Variants in NRG3 observed in about 807,000 individuals in gnomAD.
NRG3 encodes the protein neuregulin 3, also known as pro-neuregulin-3, membrane-bound isoform.
Under a neutral mutation model 66.9 loss-of-function variants are expected in NRG3, and 31 were observed. The observed-to-expected ratio is 0.46, with a 90% CI of 0.35 to 0.63. The LOEUF is 0.63. NRG3 is among the 20% of genes least tolerant of loss of function. NRG3 has a pLI of 0.00. For synonymous variants in NRG3, 393 were observed against 359.4 expected (o/e 1.09, Z -1.06); for missense variants, 910 against 878.9 (o/e 1.04, Z -0.45).
intron 2 of NRG3, among the ~76,000 whole-genome samples, chr10:82,600,358 C>T (rs1392846463): frequency 6.6e-6 from 1 of 152,080 alleles, no homozygotes; most frequent in Non-Finnish European, 1.5e-5. Context: ...AATTTCCTTA[C>T]CCTATTTCAA....
rs1554911302 is a variant in NRG3, at chr10:82,408,131, G to GAAAGAAAGAAAGAAAGAAAGAA, written c.953+49278_953+49279insGAAAGAAAAAGAAAGAAAGAAA. ...AGAAAGAAAGAAAGAAAGAAAGAAA[G>GAAAGAAAGAAAGAAAGAAAGAA]AAAGAAAGAAAGAAAAGAAAAAGAA... On this transcript the variant is annotated intron_variant, in intron 2 of 8. Coordinates refer to ENST00000372141, the MANE Select transcript of NRG3 (RefSeq NM_001010848.4). Among the ~76,000 whole-genome samples, 556 of 129,680 alleles carry GAAAGAAAGAAAGAAAGAAAGAA rather than the reference G, an allele frequency of 4.3e-3. 14 individuals carry two copies. Among genetic ancestry groups the GAAAGAAAGAAAGAAAGAAAGAA allele is most frequent in the African/African-American group, 0.014 (503 of 34,920 alleles). 85.1% of individuals were successfully genotyped at this position (129,680 alleles called of 152,430 possible).
At chr10:82,171,572 C>G (rs1341417860) in intron 1 of NRG3, among the ~76,000 whole-genome samples, 1 of 152,026 alleles carries the variant, frequency 6.6e-6, no homozygotes, top group Non-Finnish European at 1.5e-5. Flanking sequence ...AATTCAGCTG[C>G]GAGTATTACA....
chr10:82,528,553 A>C (rs1285002647), intron 2 of NRG3, among the ~76,000 whole-genome samples: 1 of 151,162 alleles, frequency 6.6e-6, no homozygotes, highest in Admixed American at 6.6e-5. Context: ...TAAATAAAAG[A>C]CTCCTGGACT....
intron 2 of NRG3, among the ~76,000 whole-genome samples, chr10:82,458,344 A>T (rs2091363239): frequency 6.6e-6 from 1 of 152,132 alleles, no homozygotes; most frequent in Non-Finnish European, 1.5e-5. Context: ...CATTATCTTT[A>T]TTATCAATGA....
At chr10:82,629,270 A>G (rs554719987) in intron 2 of NRG3, among the ~76,000 whole-genome samples, 59 of 152,364 alleles carry the variant, frequency 3.9e-4, no homozygotes, top group Non-Finnish European at 6.9e-4. Flanking sequence ...CCTGAAGTCC[A>G]TTAAGGGATT....
chr10:81,882,752 T>G (rs1842294762), intron 1 of NRG3, among the ~76,000 whole-genome samples: 1 of 152,166 alleles, frequency 6.6e-6, no homozygotes, highest in Non-Finnish European at 1.5e-5. Context: ...TGAGGGATCT[T>G]TCATCACAAT....
chr10:82,386,709 T>C (rs558020504), intron 2 of NRG3, among the ~76,000 whole-genome samples: 8 of 152,334 alleles, frequency 5.3e-5, no homozygotes, highest in African/African-American at 1.7e-4. Flanking sequence ...CCCACTAATA[T>C]GTCTTATCAA....
At chr10:82,500,828 C>A (rs930253547) in intron 2 of NRG3, among the ~76,000 whole-genome samples, 1 of 152,012 alleles carries the variant, frequency 6.6e-6, no homozygotes, top group African/African-American at 2.4e-5. Flanking sequence ...TGTGGAAAAA[C>A]ATGAGAGTGT....
intron 2 of NRG3, among the ~76,000 whole-genome samples, chr10:82,495,798 G>A (rs895870691): frequency 4.7e-5 from 6 of 127,532 alleles, no homozygotes; most frequent in African/African-American, 1.8e-4. Flanking sequence ...ATGTTCCAAT[G>A]TTTTAGAGTG....
chr10:82,856,881 A>G (rs1442703746), intron 3 of NRG3, among the ~76,000 whole-genome samples: 1 of 152,198 alleles, frequency 6.6e-6, no homozygotes. Context: ...TCTCAAGAGC[A>G]GGAACTCTAG....
intron 1 of NRG3, among the ~76,000 whole-genome samples, chr10:82,142,745 G>A (rs2069895494): frequency 7.0e-6 from 1 of 143,020 alleles, no homozygotes; most frequent in Non-Finnish European, 1.5e-5. Context: ...AGATGTGAGA[G>A]TCCTCTCTCT....
chr10:82,094,626 G>A (rs539504420), intron 1 of NRG3, among the ~76,000 whole-genome samples: 198 of 152,258 alleles, frequency 1.3e-3, no homozygotes, highest in Admixed American at 7.1e-3. Flanking sequence ...AAAATGTGAT[G>A]TGTGTATATA....
At chr10:82,466,067 G>A (rs1840650543) in intron 2 of NRG3, among the ~76,000 whole-genome samples, 1 of 152,130 alleles carries the variant, frequency 6.6e-6, no homozygotes, top group Non-Finnish European at 1.5e-5. Flanking sequence ...GCCCAGTGGT[G>A]CACTCCCTTG....
chr10:82,864,642 G>T (rs1164332329), intron 3 of NRG3, among the ~76,000 whole-genome samples: 1 of 152,150 alleles, frequency 6.6e-6, no homozygotes, highest in Non-Finnish European at 1.5e-5. Context: ...TGAATACTTG[G>T]GTCCAGCCCA....
intron 4 of NRG3, 83 bp downstream of exon 4, chr10:82,865,520 T>C: frequency 7.2e-7 from 1 of 1,389,490 alleles, no homozygotes; most frequent in Non-Finnish European, 1.0e-6. Context: ...CTCCATCTGG[T>C]TATAATTGAA....
intron 2 of NRG3, among the ~76,000 whole-genome samples, chr10:82,715,763 T>C (rs2056931900): frequency 6.6e-6 from 1 of 152,200 alleles, no homozygotes; most frequent in South Asian, 2.1e-4. Context: ...CAAAGTATCA[T>C]AGACCAGTGT....
At chr10:82,925,217 C>G (rs1846864636) in intron 4 of NRG3, among the ~76,000 whole-genome samples, 1 of 152,316 alleles carries the variant, frequency 6.6e-6, no homozygotes, top group Non-Finnish European at 1.5e-5. Context: ...CTCTCCAACA[C>G]TATTGGTTTG....
In NRG3 at chr10:81,962,288, C is replaced by G. The variant is rs551723233; in HGVS notation, c.823+86125C>G. Among the ~76,000 whole-genome samples the G allele has an allele frequency of 5.9e-5, 9 of 152,320 alleles. No individual in the cohort carries two copies. In the South Asian group the frequency reaches 1.9e-3, roughly 32 times the overall value. ...ATTAAATGAACTATAAAATATCACA[C>G]TGGGCCTGCCAGTAGAAGCCAGTCA... On this transcript the variant is annotated intron_variant, in intron 1 of 8. Transcript: ENST00000372141.
chr10:82,124,524 G>A (rs907520191), intron 1 of NRG3, among the ~76,000 whole-genome samples: 4 of 151,800 alleles, frequency 2.6e-5, no homozygotes, highest in Non-Finnish European at 5.9e-5. Flanking sequence ...GGAACTTTCT[G>A]TTCCTACAGG....
Sources: allele counts gnomAD v4.1 joint callset (sites outside exome capture counted in the v4.1 genomes callset), GRCh38; gene constraint gnomAD v4.1.1; transcripts MANE v1.5; gene names NCBI Gene and HGNC (gene_info 2026-07-23, HGNC 2026-07-21).